Variants in SLC7A8 observed in about 807,000 individuals in gnomAD.
SLC7A8 encodes solute carrier family 7 member 8, also known as large neutral amino acids transporter small subunit 2.
A neutral mutation model predicts 51.2 loss-of-function variants in SLC7A8; 30 were observed. The observed-to-expected ratio is 0.59, with a 90% CI of 0.44 to 0.80. The LOEUF is 0.80. SLC7A8 is among the 30% of genes least tolerant of loss of function. The pLI, the probability that SLC7A8 is intolerant of heterozygous loss-of-function variation, is 0.00. For missense variants in SLC7A8, 612 were observed against 674.4 expected (o/e 0.91, Z 1.03); for synonymous variants, 257 against 275.8 (o/e 0.93, Z 0.67).
chr14:23,150,823 C>G (rs905452008), intron 3 of SLC7A8, among the ~76,000 whole-genome samples: 16 of 152,186 alleles, frequency 1.1e-4, no homozygotes, highest in Admixed American at 1.0e-3. Context: ...CATCGTGCCC[C>G]TGACCCTTCT....
chr14:23,128,032 GA>G lies in SLC7A8; in HGVS notation c.1427del (p.Phe476SerfsTer8), dbSNP rs1435074810. ...CCAACAACTCACCAATGAAGTCACT[GA>G]AACACTTGGGCTTGTGTTGCCAGTA... ...GVYWQHKPKC[F>X]SDFIELLTLV... On this transcript the variant is annotated frameshift_variant, in exon 10 of 11. Coordinates refer to ENST00000316902, the MANE Select transcript of SLC7A8 (RefSeq NM_012244.4). LOFTEE classifies it low-confidence loss of function (END_TRUNC). This position sits in a 1 kb window ranked among gnomAD's most constrained non-coding sequence, Gnocchi z 4.3. 6.2e-7 allele frequency: 1 copy of G among 1,613,836 alleles called. No individual in the cohort carries two copies. Among genetic ancestry groups the G allele is most frequent in the Non-Finnish European group, 8.5e-7 (1 of 1,179,904 alleles).
chr14:23,161,654 C>T (rs1009229817), intron 3 of SLC7A8, among the ~76,000 whole-genome samples: 2 of 151,948 alleles, frequency 1.3e-5, no homozygotes, highest in African/African-American at 2.4e-5. Context: ...TGAAAGATAG[C>T]GTCTACCAGT....
intron 3 of SLC7A8, among the ~76,000 whole-genome samples, chr14:23,159,727 C>G (rs758271025): frequency 6.6e-6 from 1 of 152,204 alleles, no homozygotes; most frequent in Admixed American, 6.5e-5. Context: ...CTGCACCAGG[C>G]AGTTGGAGGC....
intron 7 of SLC7A8, among the ~76,000 whole-genome samples, chr14:23,135,244 C>T (rs191422689): frequency 7.7e-4 from 117 of 152,028 alleles, no homozygotes; most frequent in African/African-American, 2.6e-3. Flanking sequence ...CCTGCCACCA[C>T]GCTCAGCTAA....
In SLC7A8 at chr14:23,143,178, TG is replaced by T. The variant is rs1207076508; in HGVS notation, c.534del (p.Ser179ValfsTer22). On this transcript the variant is annotated frameshift_variant, in exon 4 of 11. Coordinates refer to ENST00000316902, the MANE Select transcript of SLC7A8 (RefSeq NM_012244.4). LOFTEE classifies it high-confidence loss of function. Reference sequence around the variant, plus strand: ...TGAACCCGGGTGGCCCACCGCACACTGGAACAGTTGACCCATGTGAGGAGCA... The same window carrying T: ...TGAACCCGGGTGGCCCACCGCACACTGAACAGTTGACCCATGTGAGGAGCA... ...CLLLLTWVNCSSVRWATRVQD... is the reference protein window; with the variant it reads ...CLLLLTWVNCXSVRWATRVQD... 1 of 1,614,198 alleles carries T rather than the reference TG, an allele frequency of 6.2e-7. No individual in the cohort carries two copies. The highest frequency in any genetic ancestry group is 8.5e-7 in the Non-Finnish European group (1 of 1,180,034).
intron 4 of SLC7A8, among the ~76,000 whole-genome samples, chr14:23,141,473 G>A (rs561475139): frequency 5.1e-4 from 77 of 152,082 alleles, no homozygotes; most frequent in African/African-American, 1.8e-3. Flanking sequence ...TTTTTGAGAC[G>A]GAGTCTCGCT....
rs2048945291 is a variant in SLC7A8, at chr14:23,165,541, T to C, written c.357-105A>G. The C allele has an allele frequency of 1.6e-6, 2 of 1,238,358 alleles. No homozygotes were observed. The highest frequency in any genetic ancestry group is 3.2e-5 in the Admixed American group (1 of 31,650). 76.7% of individuals were successfully genotyped at this position (1,238,358 alleles called of 1,614,324 possible). A position where few individuals can be genotyped will look rare whatever the true frequency, so the allele number is the denominator to read the frequency against. On this transcript the variant is annotated intron_variant, in intron 2 of 10. Coordinates refer to ENST00000316902, the MANE Select transcript of SLC7A8 (RefSeq NM_012244.4). The surrounding 1 kb of genome is among the most constrained non-coding windows in gnomAD (Gnocchi z 4.2). ...ATCTCTTTTTTATTTTCAAGGATGC[T>C]GAAGAGCCCAGCCTCTGCCCCCACC...
intron 3 of SLC7A8, among the ~76,000 whole-genome samples, chr14:23,147,154 TCCAC>T (rs1286149627): frequency 3.3e-5 from 5 of 150,854 alleles, no homozygotes; most frequent in South Asian, 2.1e-4. Flanking sequence ...CATGCATCCA[TCCAC>T]CCACCCATCT....
intron 1 of SLC7A8, among the ~76,000 whole-genome samples, chr14:23,167,211 G>A (rs1402417097): frequency 6.6e-6 from 1 of 152,116 alleles, no homozygotes; most frequent in African/African-American, 2.4e-5. Context: ...GTTTAGAAGT[G>A]GTGTGTAGGA....
intron 1 of SLC7A8, among the ~76,000 whole-genome samples, chr14:23,180,990 G>A (rs951515896): frequency 2.6e-5 from 4 of 152,056 alleles, no homozygotes; most frequent in African/African-American, 9.7e-5. Context: ...TCGCGCCACT[G>A]CACTCCAGCC....
rs78863604 is a variant in SLC7A8, at chr14:23,150,436, G to A, written c.509-7232C>T. Among the ~76,000 whole-genome samples, 140 of 152,292 alleles carry A rather than the reference G, an allele frequency of 9.2e-4. 1 individual carries two copies. The East Asian group carries it at 0.023, about 25-fold the overall frequency. On this transcript the variant is annotated intron_variant, in intron 3 of 10. Transcript: ENST00000316902. The stretch of plus-strand genomic sequence containing the variant: ...AGCATGAAGGGAAGGAGGCAGAGTC[G>A]GCTCTCTCAGAGGGACCTGGCAGGT...
chr14:23,144,762 C>G (rs926649433), intron 3 of SLC7A8, among the ~76,000 whole-genome samples: 1 of 152,092 alleles, frequency 6.6e-6, no homozygotes, highest in Non-Finnish European at 1.5e-5. Context: ...GTCACCTGTT[C>G]TGTGAATCTC....
At chr14:23,175,343 G>A (rs1230600570) in intron 1 of SLC7A8, among the ~76,000 whole-genome samples, 1 of 152,082 alleles carries the variant, frequency 6.6e-6, no homozygotes, top group Non-Finnish European at 1.5e-5. Context: ...GAAGGAGCTG[G>A]GACTACAGGA....
At chr14:23,158,225 G>C (rs1369818643) in intron 3 of SLC7A8, among the ~76,000 whole-genome samples, 2 of 152,206 alleles carry the variant, frequency 1.3e-5, no homozygotes, top group Non-Finnish European at 2.9e-5. Context: ...TTTCCCAAGA[G>C]TCCCAATCCC....
At chr14:23,127,792 A>G (rs1394147151) in intron 10 of SLC7A8, among the ~76,000 whole-genome samples, 1 of 152,116 alleles carries the variant, frequency 6.6e-6, no homozygotes. Flanking sequence ...CAGGTTGCCT[A>G]TTCTTGCGGG....
chr14:23,170,135 A>G (rs530521959), intron 1 of SLC7A8, among the ~76,000 whole-genome samples: 1 of 152,346 alleles, frequency 6.6e-6, no homozygotes, highest in African/African-American at 2.4e-5. Context: ...AGGTCATATC[A>G]TTCCTATTTT....
intron 7 of SLC7A8, among the ~76,000 whole-genome samples, 178 bp from the exon 8 acceptor site, chr14:23,131,735 G>A (rs1466073053): frequency 3.3e-5 from 5 of 152,224 alleles, no homozygotes; most frequent in Non-Finnish European, 7.3e-5. Context: ...AAATGCAGGT[G>A]CAAGCAAACC....
intron 3 of SLC7A8, among the ~76,000 whole-genome samples, chr14:23,161,263 C>T (rs940030190): frequency 2.0e-5 from 3 of 152,002 alleles, no homozygotes; most frequent in Non-Finnish European, 2.9e-5. Context: ...CCAGACTTGG[C>T]CTCATCTCCT....
At chr14:23,142,190 G>T (rs1241066157) in intron 4 of SLC7A8, among the ~76,000 whole-genome samples, 4 of 152,200 alleles carry the variant, frequency 2.6e-5, no homozygotes, top group African/African-American at 9.7e-5. Flanking sequence ...GGGCTTGTGG[G>T]AAATTTCCCT....
Sources: allele counts gnomAD v4.1 joint callset (sites outside exome capture counted in the v4.1 genomes callset), GRCh38; gene constraint gnomAD v4.1.1; non-coding constraint Gnocchi (gnomAD v3.1); transcripts MANE v1.5; gene names NCBI Gene and HGNC (gene_info 2026-07-23, HGNC 2026-07-21).